The following CLEC5A variants were observed in gnomAD, a reference collection of about 807,000 sequenced individuals.
CLEC5A encodes the protein C-type lectin domain family 5 member A.
A neutral mutation model predicts 24.4 loss-of-function variants in CLEC5A; 15 were observed. The ratio of observed to expected loss-of-function variants is 0.62; its 90% confidence interval spans 0.41 to 0.95. The LOEUF is 0.95. Among genes scored for constraint, CLEC5A ranks in the 40% least tolerant of loss-of-function variants. The pLI is 0.00. For missense variants in CLEC5A, 211 were observed against 224.0 expected (o/e 0.94, Z 0.37); for synonymous variants, 71 against 72.6 (o/e 0.98, Z 0.11).
At chr7:141,932,152 G>A (rs1450543909) in intron 5 of CLEC5A, among the ~76,000 whole-genome samples, 1 of 152,160 alleles carries the variant, frequency 6.6e-6, no homozygotes, top group Non-Finnish European at 1.5e-5. Context: ...GAGAATGAAG[G>A]GGAAGGGGTA....
rs2293459 is a variant in CLEC5A at position 141,945,440 on chromosome 7, A to C, written c.80-40T>G. 0.048 allele frequency: 67,699 copies of C among 1,402,408 alleles called. 3,044 individuals carry two copies. The highest frequency in any genetic ancestry group is 0.17 in the South Asian group (14,925 of 86,904). 86.9% of individuals were successfully genotyped at this position (1,402,408 alleles called of 1,614,324 possible). ...AGCTGTTGGCTCAGCCCCAAATGTG[A>C]CTGCATGATGAATATGACAAACAAG... On this transcript the variant is annotated intron_variant, in intron 2 of 6. Coordinates refer to ENST00000546910, the MANE Select transcript of CLEC5A (RefSeq NM_013252.3).
Position 141,927,895 on chromosome 7 carries a change from A to G in CLEC5A, c.*2209T>C, listed in dbSNP as rs957408042. On this transcript the variant is annotated 3_prime_UTR_variant, in exon 7 of 7. Transcript: ENST00000546910. ...CTAATGCCATTGAGATACATAGAGGAATGTTATTTAATATGTGCAATAATT... is the reference window on the plus strand; with the variant it reads ...CTAATGCCATTGAGATACATAGAGGGATGTTATTTAATATGTGCAATAATT... 6.6e-6 allele frequency: 1 copy of G among 152,220 alleles called. No homozygotes were observed. The highest frequency in any genetic ancestry group is 1.5e-5 in the Non-Finnish European group (1 of 68,032). 9.4% of individuals were successfully genotyped at this position (152,220 alleles called of 1,614,324 possible).
At chr7:141,945,526 C>T (rs1015271993) in intron 2 of CLEC5A, 126 bp from the exon 3 acceptor site, 15 of 722,946 alleles carry the variant, frequency 2.1e-5, no homozygotes, top group Admixed American at 2.0e-4. Flanking sequence ...AACTCTCTGA[C>T]TCAGTGAAGA....
At chr7:141,934,948 C>T (rs549035726) in intron 5 of CLEC5A, among the ~76,000 whole-genome samples, 29 of 152,218 alleles carry the variant, frequency 1.9e-4, no homozygotes, top group Non-Finnish European at 2.9e-4. Flanking sequence ...TGCTTCTTCC[C>T]GTTGCCTTCC....
chr7:141,932,639 G>A (rs574465363), intron 5 of CLEC5A, among the ~76,000 whole-genome samples: 3 of 152,068 alleles, frequency 2.0e-5, no homozygotes, highest in South Asian at 2.1e-4. Flanking sequence ...AACATCTCTC[G>A]AGTGTCTATT....
In CLEC5A at chr7:141,939,402, A is replaced by G. The variant is rs895224690; in HGVS notation, c.209-3452T>C. 3.3e-5 allele frequency among the ~76,000 whole-genome samples: 5 copies of G among 152,126 alleles called. No homozygotes were observed. The East Asian group carries it at 9.6e-4, about 29-fold the overall frequency. On this transcript the variant is annotated intron_variant, in intron 4 of 6. Coordinates refer to ENST00000546910, the MANE Select transcript of CLEC5A (RefSeq NM_013252.3). ...ATAAGATAGTATTTGCAAGCCTCAT[A>G]GTAACCTTGAATCAAAAAATATACA...
At chr7:141,930,537 G>T (rs1802429274) in intron 6 of CLEC5A, among the ~76,000 whole-genome samples, 1 of 152,172 alleles carries the variant, frequency 6.6e-6, no homozygotes, top group South Asian at 2.1e-4. Flanking sequence ...AGCATCTCAT[G>T]GGCTGTCTCT....
intron 2 of CLEC5A, 40 bp downstream of exon 2, chr7:141,946,174 C>T: frequency 1.3e-6 from 2 of 1,543,536 alleles, no homozygotes; most frequent in Non-Finnish European, 1.8e-6. Context: ...ATGAGCAAGA[C>T]AACATGAAGT....
At chr7:141,946,383 C>A in intron 1 of CLEC5A, 71 bp from the exon 2 acceptor site, 1 of 1,388,204 alleles carries the variant, frequency 7.2e-7, no homozygotes, top group South Asian at 1.3e-5. Context: ...CATATCCCAG[C>A]CTCTCGCTCA....
At chr7:141,932,046 C>T (rs1416222675) in intron 5 of CLEC5A, among the ~76,000 whole-genome samples, 1 of 152,180 alleles carries the variant, frequency 6.6e-6, no homozygotes, top group Non-Finnish European at 1.5e-5. Flanking sequence ...GACTGCTGGG[C>T]TCCTGGTTAA....
chr7:141,934,266 A>T (rs996631071), intron 5 of CLEC5A, among the ~76,000 whole-genome samples: 1 of 152,236 alleles, frequency 6.6e-6, no homozygotes, highest in African/African-American at 2.4e-5. Context: ...GATTAGAAGA[A>T]TTCTGAAGAA....
At chr7:141,933,234 A>G (rs1802515579) in intron 5 of CLEC5A, among the ~76,000 whole-genome samples, 1 of 152,092 alleles carries the variant, frequency 6.6e-6, no homozygotes, top group African/African-American at 2.4e-5. Flanking sequence ...ATAGATCTGA[A>G]GTTTTTCTAG....
Position 141,929,986 on chromosome 7 carries a change from C to A in CLEC5A, c.*118G>T, listed in dbSNP as rs1802403680. On this transcript the variant is annotated 3_prime_UTR_variant, in exon 7 of 7. Coordinates refer to ENST00000546910, the MANE Select transcript of CLEC5A (RefSeq NM_013252.3). ...TGCAGAAGAAAGAAGCTCAGTTTCC[C>A]AAATGGGCAAGGACCGCTACTGGTA... is the stretch of plus-strand genomic sequence containing the variant. 10 of 720,660 alleles carry A rather than the reference C, an allele frequency of 1.4e-5. No individual in the cohort carries two copies. The highest frequency in any genetic ancestry group is 2.3e-5 in the Non-Finnish European group (10 of 440,842). The allele number at this position is 720,660 out of a possible 1,614,324, so 44.6% of individuals were successfully genotyped here.
At chr7:141,945,497 C>A in intron 2 of CLEC5A, 97 bp from the exon 3 acceptor site, 1 of 842,646 alleles carries the variant, frequency 1.2e-6, no homozygotes, top group Admixed American at 1.8e-5. Flanking sequence ...GGTACTGTGA[C>A]TATTAGTGGG....
chr7:141,945,296 A>C, intron 3 of CLEC5A, 45 bp downstream of exon 3: 1 of 1,353,024 alleles, frequency 7.4e-7, no homozygotes, highest in Non-Finnish European at 1.1e-6. Flanking sequence ...TTCAGCATAG[A>C]AGTAGCAGGA....
Position 141,941,334 on chromosome 7 carries a change from T to A in CLEC5A, c.208+2562A>T, listed in dbSNP as rs190052204. 3.5e-4 allele frequency among the ~76,000 whole-genome samples: 53 copies of A among 152,262 alleles called. No homozygotes were observed. The East Asian group carries it at 9.0e-3, about 26-fold the overall frequency. ...AGAATGAAGAACAAAAACCATACGA[T>A]CATTTCAATTGATGCTGATAAATTA... On this transcript the variant is annotated intron_variant, in intron 4 of 6. Transcript: ENST00000546910.
intron 5 of CLEC5A, among the ~76,000 whole-genome samples, 196 bp downstream of exon 5, chr7:141,935,618 G>A (rs2128961066): frequency 6.6e-6 from 1 of 152,276 alleles, no homozygotes. Flanking sequence ...AATGAAACTG[G>A]AAAATCATGC....
intron 4 of CLEC5A, among the ~76,000 whole-genome samples, chr7:141,940,436 A>T (rs781801331): frequency 6.6e-6 from 1 of 151,828 alleles, no homozygotes; most frequent in East Asian, 1.9e-4. Context: ...TTAAGACGGA[A>T]GTTTATACCT....
At chr7:141,939,270 G>C (rs1554441411) in intron 4 of CLEC5A, among the ~76,000 whole-genome samples, 1 of 152,060 alleles carries the variant, frequency 6.6e-6, no homozygotes, top group Non-Finnish European at 1.5e-5. Flanking sequence ...AAGTTAAAAA[G>C]TGGGAGACAA....
Sources: gnomAD v4.1 joint callset for allele counts (sites outside exome capture counted in the v4.1 genomes callset) on GRCh38, gnomAD v4.1.1 for gene constraint, MANE v1.5 for transcripts, NCBI Gene and HGNC (gene_info 2026-07-23, HGNC 2026-07-21) for gene names.